The following NTN1 variants were observed in gnomAD, a reference collection of about 807,000 sequenced individuals.
NTN1 encodes netrin 1.
NTN1 carries 11 observed loss-of-function variants against 54.2 expected under a neutral mutation model. The observed-to-expected ratio is 0.20, with a 90% CI of 0.13 to 0.34. NTN1 has a LOEUF of 0.34. NTN1 is among the 10% of genes least tolerant of loss of function. The pLI is 1.00. For synonymous variants in NTN1, 371 were observed against 382.0 expected (o/e 0.97, Z 0.33); for missense variants, 740 against 893.1 (o/e 0.83, Z 2.18).
At chr17:9,200,325 C>A (rs79362803) in intron 5 of NTN1, among the ~76,000 whole-genome samples, 2 of 152,202 alleles carry the variant, frequency 1.3e-5, no homozygotes, top group Non-Finnish European at 2.9e-5. Context: ...GGGGCTGGCC[C>A]GGTGGGAGCA....
intron 2 of NTN1, among the ~76,000 whole-genome samples, chr17:9,062,856 A>G (rs2092003038): frequency 6.6e-6 from 1 of 151,942 alleles, no homozygotes; most frequent in Non-Finnish European, 1.5e-5. Context: ...ATGTAACAGC[A>G]TTTGCCAGCG....
At chr17:9,161,632 G>T (rs2092357244) in intron 2 of NTN1, among the ~76,000 whole-genome samples, 1 of 152,094 alleles carries the variant, frequency 6.6e-6, no homozygotes, top group Non-Finnish European at 1.5e-5. Flanking sequence ...ACAAAAATTA[G>T]CCTGGCGTGG....
the NTN1 span, among the ~76,000 whole-genome samples, chr17:9,012,320 T>C: frequency 3.9e-5 from 6 of 152,076 alleles, no homozygotes; most frequent in Admixed American, 3.9e-4. Context: ...GAGACCAGCC[T>C]GGCCAACATG....
intron 2 of NTN1, among the ~76,000 whole-genome samples, chr17:9,047,697 CTTT>C (rs560386660): frequency 1.4e-5 from 2 of 142,338 alleles, no homozygotes; most frequent in Admixed American, 7.1e-5. Context: ...CACGAATTTT[CTTT>C]TTTTTTTTTT....
chr17:9,231,104 C>T (rs940585780), intron 6 of NTN1, among the ~76,000 whole-genome samples: 1 of 152,136 alleles, frequency 6.6e-6, no homozygotes, highest in South Asian at 2.1e-4. Flanking sequence ...CGACGCAGAG[C>T]GCGGGTGGGC....
Position 9,135,253 on chromosome 17 carries a change from A to G in NTN1, c.1019-27560A>G, listed in dbSNP as rs573453371. Among the ~76,000 whole-genome samples the G allele has an allele frequency of 2.0e-5, 3 of 152,154 alleles. No homozygotes were observed. The highest frequency in any genetic ancestry group is 3.9e-4 in the East Asian group (2 of 5,180). ...TACAGGAGGGTCACTGTTCTGCTGG[A>G]AAGTGTCTGAGAGCAGCTGCCACCT... On this transcript the variant is annotated intron_variant, in intron 2 of 6. Coordinates refer to ENST00000173229, the MANE Select transcript of NTN1 (RefSeq NM_004822.3). The surrounding 1 kb of genome is among the most constrained non-coding windows in gnomAD (Gnocchi z 4.4).
At chr17:9,025,983 A>G (rs1220037831) in intron 2 of NTN1, among the ~76,000 whole-genome samples, 1 of 152,224 alleles carries the variant, frequency 6.6e-6, no homozygotes, top group Non-Finnish European at 1.5e-5. Flanking sequence ...TACCCAGAGT[A>G]TTTACAACTA....
intron 2 of NTN1, among the ~76,000 whole-genome samples, chr17:9,047,053 C>T (rs2142195495): frequency 6.6e-6 from 1 of 152,274 alleles, no homozygotes; most frequent in South Asian, 2.1e-4. Flanking sequence ...GAAACATATA[C>T]ATATCTTAAT....
At chr17:9,046,384 A>G (rs2091941395) in intron 2 of NTN1, among the ~76,000 whole-genome samples, 1 of 152,234 alleles carries the variant, frequency 6.6e-6, no homozygotes, top group African/African-American at 2.4e-5. Flanking sequence ...TTGAAAAGAA[A>G]GGTAATAACA....
At chr17:9,011,724 C>T in the NTN1 span, among the ~76,000 whole-genome samples, 3 of 152,032 alleles carry the variant, frequency 2.0e-5, no homozygotes, top group Non-Finnish European at 2.9e-5. Flanking sequence ...TGAGTAGTTG[C>T]GAATACAGGT....
At chr17:9,103,838 C>A (rs2092157648) in intron 2 of NTN1, among the ~76,000 whole-genome samples, 1 of 151,948 alleles carries the variant, frequency 6.6e-6, no homozygotes, top group Admixed American at 6.6e-5. Context: ...GTAATCCCAG[C>A]ACTTTGGGAG....
chr17:9,225,897 G>A (rs1350289095), intron 6 of NTN1, among the ~76,000 whole-genome samples: 1 of 152,218 alleles, frequency 6.6e-6, no homozygotes, highest in Non-Finnish European at 1.5e-5. Flanking sequence ...GAGCAGGCCC[G>A]GCTGCCAGCA....
chr17:9,016,291 C>A, the NTN1 span, among the ~76,000 whole-genome samples: 1 of 152,048 alleles, frequency 6.6e-6, no homozygotes. Flanking sequence ...GTGGACAGCC[C>A]GTCCAGCACC....
intron 5 of NTN1, among the ~76,000 whole-genome samples, chr17:9,187,563 C>T (rs2092437025): frequency 6.6e-6 from 1 of 150,504 alleles, no homozygotes; most frequent in African/African-American, 2.5e-5. Context: ...CATAATCCAA[C>T]CACCTCGGGA....
At chr17:9,082,007 G>A (rs1017451373) in intron 2 of NTN1, among the ~76,000 whole-genome samples, 4 of 152,184 alleles carry the variant, frequency 2.6e-5, no homozygotes, top group African/African-American at 7.2e-5. Context: ...TTTCATGAAA[G>A]TGGTGTGATT....
intron 2 of NTN1, among the ~76,000 whole-genome samples, chr17:9,035,420 A>G (rs959665643): frequency 1.1e-4 from 17 of 152,212 alleles, no homozygotes; most frequent in African/African-American, 4.1e-4. Context: ...CACTTACGGC[A>G]GGCATTTGGG....
At chr17:9,123,584 C>T (rs2092237430) in intron 2 of NTN1, among the ~76,000 whole-genome samples, 1 of 152,162 alleles carries the variant, frequency 6.6e-6, no homozygotes, top group South Asian at 2.1e-4. Context: ...CTTACATTTT[C>T]TTCCAGTAAT....
At chr17:9,044,793 T>C (rs146361803) in intron 2 of NTN1, among the ~76,000 whole-genome samples, 46 of 152,230 alleles carry the variant, frequency 3.0e-4, no homozygotes, top group African/African-American at 1.0e-3. Context: ...CTTCCACAGA[T>C]TAAGTGACAA....
intron 2 of NTN1, among the ~76,000 whole-genome samples, chr17:9,099,707 A>T (rs1405121196): frequency 3.9e-5 from 6 of 152,204 alleles, no homozygotes; most frequent in Admixed American, 3.9e-4. Context: ...CAAAAAGATT[A>T]AAGCATTTAT....
Sources: allele counts gnomAD v4.1 joint callset (sites outside exome capture counted in the v4.1 genomes callset), GRCh38; gene constraint gnomAD v4.1.1; non-coding constraint Gnocchi (gnomAD v3.1); transcripts MANE v1.5; gene names NCBI Gene and HGNC (gene_info 2026-07-23, HGNC 2026-07-21).